The following STXBP4 variants were observed in gnomAD, a reference collection of about 807,000 sequenced individuals.
STXBP4 encodes the protein syntaxin binding protein 4, also known as syntaxin-binding protein 4.
A neutral mutation model predicts 76.1 loss-of-function variants in STXBP4; 55 were observed. That is an observed-to-expected ratio of 0.72 (90% CI 0.58 to 0.91). The LOEUF (loss-of-function observed/expected upper bound fraction) is 0.91, where lower values mean the gene tolerates loss of function less well. Among genes scored for constraint, STXBP4 ranks in the 40% least tolerant of loss-of-function variants. The probability of loss-of-function intolerance (pLI) is 0.00; values close to 1 mark genes in which losing one functional copy is unlikely to be tolerated. For missense variants in STXBP4, 618 were observed against 636.9 expected, an observed-to-expected ratio of 0.97 and a Z score of 0.32; for synonymous variants, 201 against 220.2, an observed-to-expected ratio of 0.91 and a Z score of 0.77.
At chr17:55,174,680 C>G (rs920327632), downstream of STXBP4, among the ~76,000 whole-genome samples, 1 of 152,122 alleles carries the variant, frequency 6.6e-6, no homozygotes, top group Non-Finnish European at 1.5e-5. Flanking sequence ...ATACAACTTC[C>G]CTGCACCTCA....
At chr17:54,992,322 TG>T (rs1165280664) in intron 4 of STXBP4, among the ~76,000 whole-genome samples, 1 of 150,734 alleles carries the variant, frequency 6.6e-6, no homozygotes, top group Admixed American at 6.6e-5. Context: ...GAGGCTGAGG[TG>T]GGAGTATTGC....
At chr17:55,125,415 G>C (rs894763221) in intron 16 of STXBP4, among the ~76,000 whole-genome samples, 2 of 135,780 alleles carry the variant, frequency 1.5e-5, no homozygotes, top group Non-Finnish European at 3.0e-5. Context: ...TTCCAGTAAG[G>C]CTAAGTAAGT....
Position 55,169,492 on chromosome 17 carries a change from G to T in STXBP4, c.*9581G>T, listed in dbSNP as rs749554329. 6 of 152,180 alleles carry T rather than the reference G, an allele frequency of 3.9e-5. No individual in the cohort carries two copies. The highest frequency in any genetic ancestry group is 4.4e-5 in the Non-Finnish European group (3 of 68,074). The allele number at this position is 152,180 out of a possible 1,614,324, so 9.4% of individuals were successfully genotyped here. ...CAGGTGCTGAATGTTGAGAGTGAAA[G>T]CACAGGGAGCTGTCATGCATGAGAG... On this transcript the variant is annotated 3_prime_UTR_variant, in exon 18 of 18. Transcript: ENST00000376352.
At chr17:55,178,056 C>T (rs1206575834), downstream of STXBP4, among the ~76,000 whole-genome samples, 1 of 152,150 alleles carries the variant, frequency 6.6e-6, no homozygotes. Flanking sequence ...CCGAGGATAA[C>T]ATGAAATATC....
chr17:54,996,674 C>G (rs2144458777), intron 4 of STXBP4, among the ~76,000 whole-genome samples: 1 of 152,220 alleles, frequency 6.6e-6, no homozygotes, highest in Admixed American at 6.5e-5. Context: ...AACAACTTGC[C>G]TCAGTTCACA....
chr17:55,208,780 T>C, the STXBP4 span, among the ~76,000 whole-genome samples: 1 of 151,986 alleles, frequency 6.6e-6, no homozygotes, highest in Admixed American at 6.6e-5. Flanking sequence ...CAAGTTTCAG[T>C]TATAAGTTAG....
intron 3 of STXBP4, among the ~76,000 whole-genome samples, chr17:54,988,424 T>C (rs577995712): frequency 6.6e-6 from 1 of 152,286 alleles, no homozygotes; most frequent in African/African-American, 2.4e-5. Flanking sequence ...TCTTACCTTA[T>C]CTTTCATTTC....
At chr17:55,185,251 C>CTT in the STXBP4 span, among the ~76,000 whole-genome samples, 99 of 49,320 alleles carry the variant, frequency 2.0e-3, no homozygotes, top group African/African-American at 3.2e-3. Flanking sequence ...TTCTTCTTCT[C>CTT]CTTCTCCTTC....
intron 8 of STXBP4, among the ~76,000 whole-genome samples, chr17:55,017,440 C>T (rs11079148): frequency 0.18 from 27,942 of 152,070 alleles, 3,043 homozygotes; most frequent in Middle Eastern, 0.34. Context: ...GACGCAGCAG[C>T]GTAGAGCTTC....
At chr17:55,002,236 A>G (rs1323018763) in intron 7 of STXBP4, among the ~76,000 whole-genome samples, 1 of 152,080 alleles carries the variant, frequency 6.6e-6, no homozygotes, top group Non-Finnish European at 1.5e-5. Flanking sequence ...TTATTCCTTG[A>G]TATTATAAAA....
intron 8 of STXBP4, among the ~76,000 whole-genome samples, chr17:55,028,499 C>A (rs1013245409): frequency 6.6e-6 from 1 of 151,802 alleles, no homozygotes; most frequent in African/African-American, 2.4e-5. Flanking sequence ...AATTAGACAC[C>A]AATTGTTAAT....
chr17:55,082,834 A>C lies in STXBP4; in HGVS notation c.1489+1651A>C, dbSNP rs549690931. 1.2e-4 allele frequency among the ~76,000 whole-genome samples: 18 copies of C among 152,306 alleles called. 1 individual carries two copies. The South Asian group carries it at 3.7e-3, about 32-fold the overall frequency. On this transcript the variant is annotated intron_variant, in intron 16 of 17. Transcript: ENST00000376352. ...CTGAAGAGAGAGAAAAAAAGTCTTT[A>C]ATTAAATAAAGATAATGTAATATTC...
chr17:55,212,831 T>C, the STXBP4 span, among the ~76,000 whole-genome samples: 1 of 151,562 alleles, frequency 6.6e-6, no homozygotes, highest in Non-Finnish European at 1.5e-5. Context: ...ACTGGAGAGG[T>C]GGGGAGAGTT....
intron 7 of STXBP4, among the ~76,000 whole-genome samples, chr17:55,006,928 G>A (rs941036892): frequency 3.9e-5 from 6 of 152,256 alleles, no homozygotes; most frequent in African/African-American, 1.4e-4. Flanking sequence ...GTGGTGGGAT[G>A]TATGTTTGTC....
At chr17:55,037,188 A>C (rs1396277181) in intron 10 of STXBP4, among the ~76,000 whole-genome samples, 2 of 152,146 alleles carry the variant, frequency 1.3e-5, no homozygotes, top group East Asian at 3.8e-4. Context: ...CACAGTTTTC[A>C]TTCTGCTGAT....
At chr17:55,211,056 G>C in the STXBP4 span, among the ~76,000 whole-genome samples, 1 of 151,968 alleles carries the variant, frequency 6.6e-6, no homozygotes, top group African/African-American at 2.4e-5. Flanking sequence ...TCAAAGAGGT[G>C]CTCATTTTAA....
At chr17:55,118,578 A>G (rs2079808819) in intron 16 of STXBP4, among the ~76,000 whole-genome samples, 1 of 133,130 alleles carries the variant, frequency 7.5e-6, no homozygotes. Flanking sequence ...TGGAGAAATA[A>G]ATGTAAGAAT....
rs148859631 is a variant in STXBP4 at position 55,003,109 on chromosome 17, A to T, written c.574+2226A>T. ...CCAAATCTTGAAAAAAGTGGTAAAC[A>T]TCAATTGATAACTGAACACAGGAGA... On this transcript the variant is annotated intron_variant, in intron 7 of 17. Coordinates refer to ENST00000376352, the MANE Select transcript of STXBP4 (RefSeq NM_178509.6). Among the ~76,000 whole-genome samples, 145 of 152,320 alleles carry T rather than the reference A, an allele frequency of 9.5e-4. No individual in the cohort carries two copies. In the East Asian group the frequency reaches 0.021, roughly 22 times the overall value.
At chr17:55,211,799 GTTT>G in the STXBP4 span, among the ~76,000 whole-genome samples, 45 of 48,992 alleles carry the variant, frequency 9.2e-4, no homozygotes, top group South Asian at 0.036. Context: ...GTTTTTTGTT[GTTT>G]TTTTTTTTTT....
Sources: gnomAD v4.1 joint callset for allele counts (sites outside exome capture counted in the v4.1 genomes callset) on GRCh38, gnomAD v4.1.1 for gene constraint, MANE v1.5 for transcripts, NCBI Gene and HGNC (gene_info 2026-07-23, HGNC 2026-07-21) for gene names.